The following CSMD2 variants were observed in gnomAD, a reference collection of about 807,000 sequenced individuals.
CSMD2 encodes CUB and sushi domain-containing protein 2.
CSMD2 carries 130 observed loss-of-function variants against 398.5 expected under a neutral mutation model. That is an observed-to-expected ratio of 0.33 (90% CI 0.28 to 0.38). The LOEUF is 0.38. CSMD2 is among the 10% of genes least tolerant of loss of function. The probability of loss-of-function intolerance (pLI) is 1.00; values close to 1 mark genes in which losing one functional copy is unlikely to be tolerated. For missense variants in CSMD2, 3,829 were observed against 4,764.9 expected (o/e 0.80, Z 5.78); for synonymous variants, 1,828 against 1,908.5 (o/e 0.96, Z 1.10).
Position 33,533,720 on chromosome 1 carries a change from A to T in CSMD2, c.9991+76T>A. On this transcript the variant is annotated intron_variant, in intron 63 of 70. Transcript: ENST00000373381. This position sits in a 1 kb window ranked among gnomAD's most constrained non-coding sequence, Gnocchi z 4.2. ...GAGTTGTGAACTCCCTGTCATTCAG[A>T]GCATTCAAACATGACCCAGATGCCC... 1.1e-6 allele frequency: 1 copy of T among 906,088 alleles called. No homozygotes were observed. The highest frequency in any genetic ancestry group is 1.8e-6 in the Non-Finnish European group (1 of 549,202). The allele number at this position is 906,088 out of a possible 1,614,324, so 56.1% of individuals were successfully genotyped here.
chr1:34,127,958 C>T (rs1662914311), intron 1 of CSMD2, among the ~76,000 whole-genome samples: 1 of 152,008 alleles, frequency 6.6e-6, no homozygotes, highest in Non-Finnish European at 1.5e-5. Flanking sequence ...GGCTGGGCAC[C>T]ACCACACCCA....
At chr1:33,628,580 A>T (rs1445628508) in intron 32 of CSMD2, among the ~76,000 whole-genome samples, 1 of 151,684 alleles carries the variant, frequency 6.6e-6, no homozygotes, top group Non-Finnish European at 1.5e-5. Flanking sequence ...GAGGCAGGAG[A>T]ATCTCTTGAG....
chr1:33,729,106 C>T (rs376974155), intron 15 of CSMD2, among the ~76,000 whole-genome samples: 32 of 152,248 alleles, frequency 2.1e-4, no homozygotes, highest in African/African-American at 7.7e-4. Context: ...TCAGCACAGG[C>T]CCAGCATCTC....
At chr1:33,854,021 G>A (rs1638898658) in intron 5 of CSMD2, among the ~76,000 whole-genome samples, 1 of 152,188 alleles carries the variant, frequency 6.6e-6, no homozygotes, top group African/African-American at 2.4e-5. Flanking sequence ...TATTTTGAAT[G>A]TTCCCAACAA....
chr1:33,913,988 G>A (rs187001875), intron 5 of CSMD2, among the ~76,000 whole-genome samples: 24 of 152,214 alleles, frequency 1.6e-4, no homozygotes, highest in African/African-American at 4.3e-4. Flanking sequence ...TCAGTATAAC[G>A]TGATCCTGAT....
At chr1:33,685,693 T>C (rs1189683123) in intron 25 of CSMD2, among the ~76,000 whole-genome samples, 2 of 152,210 alleles carry the variant, frequency 1.3e-5, no homozygotes, top group African/African-American at 4.8e-5. Context: ...CTTTGCTCTC[T>C]TACCCCTAGC....
At chr1:34,009,365 G>A (rs1647170285) in intron 3 of CSMD2, among the ~76,000 whole-genome samples, 1 of 151,764 alleles carries the variant, frequency 6.6e-6, no homozygotes, top group Admixed American at 6.6e-5. Flanking sequence ...GGGGGAAGGT[G>A]GAAGGGCCTT....
intron 25 of CSMD2, among the ~76,000 whole-genome samples, chr1:33,672,685 C>A (rs564716172): frequency 1.3e-5 from 2 of 152,318 alleles, no homozygotes; most frequent in African/African-American, 4.8e-5. Context: ...CCCTGACCCC[C>A]GAGTAGCCTA....
At chr1:33,676,171 C>G (rs946062971) in intron 25 of CSMD2, among the ~76,000 whole-genome samples, 1 of 152,174 alleles carries the variant, frequency 6.6e-6, no homozygotes, top group African/African-American at 2.4e-5. Flanking sequence ...ATAAAATTGT[C>G]CCTGTTTGCA....
chr1:34,025,193 C>T (rs532247245), intron 3 of CSMD2, among the ~76,000 whole-genome samples: 61 of 152,172 alleles, frequency 4.0e-4, no homozygotes, highest in Non-Finnish European at 5.9e-4. Flanking sequence ...TGTTGCAACA[C>T]GCTGTGGTCC....
intron 5 of CSMD2, among the ~76,000 whole-genome samples, chr1:33,886,157 A>G (rs1371540673): frequency 6.6e-6 from 1 of 152,224 alleles, no homozygotes; most frequent in Non-Finnish European, 1.5e-5. Flanking sequence ...GCTAGAGGAT[A>G]CTGGATGCTG....
In CSMD2 at chr1:33,533,284, C is replaced by G; in HGVS notation, c.9992-55G>C. ...GGAGGAGATTAGGGGCTTCAGGGGC[C>G]CTTTCGACCATTCCCCTGTTCCTAG... On this transcript the variant is annotated intron_variant, in intron 63 of 70. Transcript: ENST00000373381. This position sits in a 1 kb window ranked among gnomAD's most constrained non-coding sequence, Gnocchi z 4.2. 2 of 1,501,160 alleles carry G rather than the reference C, an allele frequency of 1.3e-6. No individual in the cohort carries two copies. The highest frequency in any genetic ancestry group is 1.8e-6 in the Non-Finnish European group (2 of 1,090,854). The allele number at this position is 1,501,160 out of a possible 1,614,324, so 93.0% of individuals were successfully genotyped here.
chr1:33,633,284 A>T lies in CSMD2; in HGVS notation c.5200+138T>A, dbSNP rs1642577197. 3 of 669,790 alleles carry T rather than the reference A, an allele frequency of 4.5e-6. No individual in the cohort carries two copies. The highest frequency in any genetic ancestry group is 7.9e-6 in the Non-Finnish European group (3 of 379,924). 41.5% of individuals were successfully genotyped at this position (669,790 alleles called of 1,614,324 possible). On this transcript the variant is annotated intron_variant, in intron 32 of 70. Coordinates refer to ENST00000373381, the MANE Select transcript of CSMD2 (RefSeq NM_001281956.2). The surrounding 1 kb of genome is among the most constrained non-coding windows in gnomAD (Gnocchi z 5.0). The stretch of plus-strand genomic sequence containing the variant: ...ACGAGCTGGCTGCTGCGTTGTAGAC[A>T]AGCACCAGAACACGACAGGCACGCA...
intron 9 of CSMD2, among the ~76,000 whole-genome samples, chr1:33,812,334 C>A (rs980826980): frequency 6.6e-6 from 1 of 152,202 alleles, no homozygotes; most frequent in Non-Finnish European, 1.5e-5. Context: ...TTTTTGTTAG[C>A]TCATCACCTC....
intron 25 of CSMD2, among the ~76,000 whole-genome samples, chr1:33,665,460 CTTTTTTTTTTTT>C (rs745495781): frequency 1.4e-4 from 10 of 73,914 alleles, no homozygotes; most frequent in East Asian, 8.9e-4. Flanking sequence ...TTTCTTCTCT[CTTTTTTTTTTTT>C]TTTTTTTTTT....
chr1:33,565,089 T>C (rs1415539403), intron 53 of CSMD2, among the ~76,000 whole-genome samples: 1 of 152,226 alleles, frequency 6.6e-6, no homozygotes, highest in Non-Finnish European at 1.5e-5. Flanking sequence ...CAGGCAGAGT[T>C]ACTTCTCATG....
intron 5 of CSMD2, among the ~76,000 whole-genome samples, chr1:33,874,830 C>T (rs769659841): frequency 9.2e-5 from 14 of 152,192 alleles, no homozygotes; most frequent in Admixed American, 3.3e-4. Context: ...CGAACAGATG[C>T]GGCTCTGTAT....
At chr1:33,704,246 T>TAACA (rs761287746) in intron 22 of CSMD2, among the ~76,000 whole-genome samples, 3 of 152,200 alleles carry the variant, frequency 2.0e-5, no homozygotes, top group Non-Finnish European at 2.9e-5. Flanking sequence ...GATTGTTTTG[T>TAACA]ATTTTTGAAA....
chr1:34,075,314 C>A (rs952871596), intron 2 of CSMD2, among the ~76,000 whole-genome samples: 1 of 152,242 alleles, frequency 6.6e-6, no homozygotes, highest in South Asian at 2.1e-4. Context: ...GGAGAGCAGA[C>A]CCTTCAAGGA....
Sources: allele counts gnomAD v4.1 joint callset (sites outside exome capture counted in the v4.1 genomes callset), GRCh38; gene constraint gnomAD v4.1.1; non-coding constraint Gnocchi (gnomAD v3.1); transcripts MANE v1.5; gene names NCBI Gene and HGNC (gene_info 2026-07-23, HGNC 2026-07-21).